Variants in ILKAP observed in about 807,000 individuals in gnomAD.
ILKAP encodes ILK associated serine/threonine phosphatase, also known as integrin-linked kinase-associated serine/threonine phosphatase 2C.
In ILKAP, 11 loss-of-function variants were observed where a neutral mutation model predicts 49.1. The observed-to-expected ratio is 0.22, with a 90% CI of 0.14 to 0.37. The LOEUF (loss-of-function observed/expected upper bound fraction) is 0.37. Ranked by LOEUF, ILKAP falls within the 10% of genes least tolerant of loss-of-function variation. The pLI is 1.00. For synonymous variants in ILKAP, 186 were observed against 192.8 expected (o/e 0.96, Z 0.29); for missense variants, 363 against 510.8 (o/e 0.71, Z 2.79).
At chr2:238,175,354 A>G (rs1396061619) in intron 9 of ILKAP, among the ~76,000 whole-genome samples, 2 of 152,176 alleles carry the variant, frequency 1.3e-5, no homozygotes, top group South Asian at 2.1e-4. Context: ...TCAGCCTCCC[A>G]AAGTGCTGAG....
chr2:238,181,548 A>C (rs1693691689), intron 9 of ILKAP, among the ~76,000 whole-genome samples: 1 of 152,132 alleles, frequency 6.6e-6, no homozygotes, highest in Admixed American at 6.5e-5. Flanking sequence ...CGTCTTAACT[A>C]CTTCAGATTT....
At chr2:238,181,632 T>C (rs1024687583) in intron 9 of ILKAP, among the ~76,000 whole-genome samples, 3 of 151,634 alleles carry the variant, frequency 2.0e-5, no homozygotes, top group Admixed American at 1.3e-4. Flanking sequence ...TTGGTTTTTT[T>C]TTTTTTTTGA....
chr2:238,193,715 C>A (rs946952498), intron 3 of ILKAP, among the ~76,000 whole-genome samples: 6 of 152,166 alleles, frequency 3.9e-5, no homozygotes, highest in African/African-American at 1.4e-4. Flanking sequence ...ATGGGATTAC[C>A]TGCATTCCCC....
intron 3 of ILKAP, among the ~76,000 whole-genome samples, chr2:238,193,323 C>T (rs1694217351): frequency 6.6e-6 from 1 of 152,108 alleles, no homozygotes; most frequent in Non-Finnish European, 1.5e-5. Flanking sequence ...TGGGTTCAAG[C>T]GACTCTCCTG....
At chr2:238,190,110 G>T in intron 3 of ILKAP, 138 bp from the exon 4 acceptor site, 1 of 761,958 alleles carries the variant, frequency 1.3e-6, no homozygotes, top group Non-Finnish European at 2.0e-6. Context: ...AGACCCAGGA[G>T]TTGTGTCTTC....
At chr2:238,192,794 C>T (rs1416683676) in intron 3 of ILKAP, among the ~76,000 whole-genome samples, 5 of 151,806 alleles carry the variant, frequency 3.3e-5, no homozygotes, top group African/African-American at 1.2e-4. Context: ...GCGGACAGAT[C>T]ACAAGGTCAG....
chr2:238,201,627 T>A (rs553955464), intron 1 of ILKAP, among the ~76,000 whole-genome samples: 4 of 152,252 alleles, frequency 2.6e-5, no homozygotes, highest in Non-Finnish European at 4.4e-5. Flanking sequence ...TGCCAACCTA[T>A]GAGATTCTGA....
At chr2:238,192,105 G>A (rs1359648991) in intron 3 of ILKAP, among the ~76,000 whole-genome samples, 2 of 151,234 alleles carry the variant, frequency 1.3e-5, no homozygotes, top group African/African-American at 2.4e-5. Flanking sequence ...CCAGCTACTC[G>A]GGAGGCTTAG....
chr2:238,191,519 A>G (rs953358482), intron 3 of ILKAP, among the ~76,000 whole-genome samples: 1 of 152,238 alleles, frequency 6.6e-6, no homozygotes, highest in Non-Finnish European at 1.5e-5. Flanking sequence ...TGTTTCCAAC[A>G]GTATCTCTCC....
At chr2:238,192,723 A>G (rs2106338889) in intron 3 of ILKAP, among the ~76,000 whole-genome samples, 2 of 150,026 alleles carry the variant, frequency 1.3e-5, no homozygotes, top group East Asian at 4.0e-4. Context: ...AAAAAAAAGA[A>G]TGTGTTATCG....
chr2:238,174,977 A>G (rs1214308650), intron 9 of ILKAP, among the ~76,000 whole-genome samples: 1 of 152,230 alleles, frequency 6.6e-6, no homozygotes, highest in East Asian at 1.9e-4. Flanking sequence ...TACAATCACC[A>G]CGTCTGCAAT....
intron 9 of ILKAP, among the ~76,000 whole-genome samples, chr2:238,175,326 T>G (rs1693403904): frequency 6.6e-6 from 1 of 152,104 alleles, no homozygotes; most frequent in South Asian, 2.1e-4. Context: ...ACAATTAGCC[T>G]CAAGCAGTCC....
intron 9 of ILKAP, among the ~76,000 whole-genome samples, chr2:238,175,218 C>T (rs1693398041): frequency 6.6e-6 from 1 of 151,836 alleles, no homozygotes; most frequent in Admixed American, 6.6e-5. Context: ...CCCACCTCAG[C>T]CTCCTGAGTA....
At chr2:238,172,280 G>A (rs969370826) in intron 10 of ILKAP, among the ~76,000 whole-genome samples, 2 of 152,128 alleles carry the variant, frequency 1.3e-5, no homozygotes, top group Admixed American at 1.3e-4. Context: ...TCAAACTCCT[G>A]ACCACAGGTG....
At position 238,184,088 on chromosome 2, in the gene ILKAP, G is replaced by T. The variant is rs752149631; in HGVS notation, c.558C>A (p.Thr186=). Residue 186 remains threonine (T), a synonymous_variant, in exon 7 of 12, where the codon ACC becomes ACA. Transcript: ENST00000254654. ...PKGDVISVEK[T]VKRCLLDTFK... is the part of the protein sequence containing the mutation. ...AAGTGTCCAAAAGGCATCTCTTCAC[G>T]GTTTTCTCTACACTGATTACATCTC... 1.2e-6 allele frequency: 2 copies of T among 1,605,588 alleles called. No individual in the cohort carries two copies. The highest frequency in any genetic ancestry group is 1.3e-5 in the African/African-American group (1 of 74,818).
chr2:238,188,076 G>A, intron 5 of ILKAP, 55 bp downstream of exon 5: 1 of 1,599,348 alleles, frequency 6.3e-7, no homozygotes, highest in Middle Eastern at 1.8e-4. Context: ...CAAAATGCCA[G>A]TCAGAACCCA....
At chr2:238,194,410 C>T (rs1694264481) in intron 2 of ILKAP, 79 bp from the exon 3 acceptor site, 10 of 1,328,274 alleles carry the variant, frequency 7.5e-6, no homozygotes, top group Non-Finnish European at 1.1e-5. Flanking sequence ...CACCAGGACA[C>T]CTATGTAGGT....
intron 5 of ILKAP, chr2:238,187,002 G>A (rs540138340): frequency 6.6e-6 from 1 of 152,290 alleles, no homozygotes; most frequent in South Asian, 2.1e-4. Flanking sequence ...GAGTAATCCT[G>A]GCACTTTGGG....
At chr2:238,201,199 A>C (rs1006429391) in intron 1 of ILKAP, among the ~76,000 whole-genome samples, 5 of 151,962 alleles carry the variant, frequency 3.3e-5, no homozygotes, top group Admixed American at 3.3e-4. Flanking sequence ...TTTTTAAATC[A>C]CAGTATTTTC....
Sources: allele counts gnomAD v4.1 joint callset (sites outside exome capture counted in the v4.1 genomes callset), GRCh38; gene constraint gnomAD v4.1.1; transcripts MANE v1.5; gene names NCBI Gene and HGNC (gene_info 2026-07-23, HGNC 2026-07-21).